The following PDK1 variants were observed in gnomAD, a reference collection of about 807,000 sequenced individuals.
PDK1 encodes the protein pyruvate dehydrogenase kinase 1, also known as [Pyruvate dehydrogenase (acetyl-transferring)] kinase isozyme 1, mitochondrial.
In PDK1, 39 loss-of-function variants were observed where a neutral mutation model predicts 54.2. The ratio of observed to expected loss-of-function variants is 0.72; its 90% CI spans 0.56 to 0.94. The LOEUF (loss-of-function observed/expected upper bound fraction) is 0.94. Ranked by LOEUF, PDK1 falls within the 40% of genes least tolerant of loss-of-function variation. The pLI, the probability that PDK1 is intolerant of heterozygous loss-of-function variation, is 0.00. For synonymous variants in PDK1, 221 were observed against 207.1 expected (o/e 1.07, Z -0.58); for missense variants, 552 against 566.0 (o/e 0.98, Z 0.25).
At chr2:172,586,015 C>T (rs146111648) in intron 8 of PDK1, among the ~76,000 whole-genome samples, 2,077 of 151,988 alleles carry the variant, frequency 0.014, 49 homozygotes, top group African/African-American at 0.047. Flanking sequence ...AAAAATTAGC[C>T]GGGCATGGTG....
the PDK1 span, among the ~76,000 whole-genome samples, chr2:172,659,030 G>A: frequency 6.6e-6 from 1 of 152,100 alleles, no homozygotes; most frequent in African/African-American, 2.4e-5. Flanking sequence ...TATGATGCAT[G>A]TGATCTCTGT....
intron 5 of PDK1, among the ~76,000 whole-genome samples, chr2:172,566,376 G>A (rs565086728): frequency 2.0e-5 from 3 of 152,110 alleles, no homozygotes; most frequent in Non-Finnish European, 4.4e-5. Flanking sequence ...CCAACATGGT[G>A]AAACCCCCTC....
At chr2:172,621,364 T>G in the PDK1 span, among the ~76,000 whole-genome samples, 1 of 152,012 alleles carries the variant, frequency 6.6e-6, no homozygotes, top group Non-Finnish European at 1.5e-5. Flanking sequence ...TGGCTTAGCC[T>G]CTCAGCCTAC....
chr2:172,635,485 T>A, the PDK1 span, among the ~76,000 whole-genome samples: 1 of 152,126 alleles, frequency 6.6e-6, no homozygotes. Flanking sequence ...CTGGCTAATT[T>A]TTGTATTTCT....
chr2:172,559,990 G>A (rs1187876183), intron 2 of PDK1, among the ~76,000 whole-genome samples: 25 of 152,016 alleles, frequency 1.6e-4, no homozygotes, highest in Admixed American at 1.6e-3. Flanking sequence ...GGGACCACAA[G>A]TGCATGCCAC....
At chr2:172,592,723 T>G (rs2149294362) in intron 9 of PDK1, among the ~76,000 whole-genome samples, 1 of 152,306 alleles carries the variant, frequency 6.6e-6, no homozygotes, top group African/African-American at 2.4e-5. Flanking sequence ...ATAAAGAGTT[T>G]TAAATGACCA....
At chr2:172,586,233 G>GT in intron 8 of PDK1, 45 bp from the exon 9 acceptor site, 1 of 1,164,952 alleles carries the variant, frequency 8.6e-7, no homozygotes, top group South Asian at 1.2e-5. Flanking sequence ...ATATTTTGCT[G>GT]TTTTGAGGAT....
At chr2:172,650,622 G>A in the PDK1 span, among the ~76,000 whole-genome samples, 2 of 152,002 alleles carry the variant, frequency 1.3e-5, no homozygotes, top group African/African-American at 4.8e-5. Context: ...TCAAAATAAA[G>A]GGATGGAGGA....
At chr2:172,560,740 AGT>A (rs989140873) in intron 2 of PDK1, among the ~76,000 whole-genome samples, 3 of 152,202 alleles carry the variant, frequency 2.0e-5, no homozygotes, top group African/African-American at 4.8e-5. Context: ...GTGTAGAAAA[AGT>A]GTGATCTCTT....
chr2:172,588,944 T>C (rs1236151973), intron 9 of PDK1, among the ~76,000 whole-genome samples: 1 of 152,186 alleles, frequency 6.6e-6, no homozygotes, highest in Non-Finnish European at 1.5e-5. Context: ...GCTGGAAGGG[T>C]TTACTTTCAC....
chr2:172,659,249 T>C, the PDK1 span, among the ~76,000 whole-genome samples: 1 of 152,086 alleles, frequency 6.6e-6, no homozygotes, highest in Non-Finnish European at 1.5e-5. Context: ...CGGGGGGCGG[T>C]TTCCCCCGAT....
Position 172,595,974 on chromosome 2 carries a change from A to G in PDK1, c.*5A>G. ...ACGACGTTCCGCAGTGCCTAGACAC[A>G]CTTGGGACATCGGAAAATCCAAATG... On this transcript the variant is annotated 3_prime_UTR_variant, in exon 11 of 11. Transcript: ENST00000282077. 2 of 1,605,156 alleles carry G rather than the reference A, an allele frequency of 1.2e-6. No homozygotes were observed. The highest frequency in any genetic ancestry group is 1.7e-6 in the Non-Finnish European group (2 of 1,174,560).
the PDK1 span, among the ~76,000 whole-genome samples, chr2:172,648,389 T>C: frequency 2.6e-4 from 39 of 152,284 alleles, no homozygotes; most frequent in South Asian, 2.1e-4. Flanking sequence ...GGTTCCAAGA[T>C]GGCCGAATAG....
At chr2:172,616,190 T>C in the PDK1 span, among the ~76,000 whole-genome samples, 5 of 152,012 alleles carry the variant, frequency 3.3e-5, no homozygotes, top group East Asian at 9.6e-4. Context: ...AAAACCAATT[T>C]AGCAGTTTTT....
chr2:172,582,975 G>T (rs1007088369), intron 8 of PDK1, among the ~76,000 whole-genome samples: 9 of 152,140 alleles, frequency 5.9e-5, no homozygotes, highest in Non-Finnish European at 1.2e-4. Flanking sequence ...TACTTGCTAG[G>T]TTGTTGTTAC....
At chr2:172,637,597 A>G in the PDK1 span, among the ~76,000 whole-genome samples, 4 of 152,228 alleles carry the variant, frequency 2.6e-5, no homozygotes, top group Non-Finnish European at 4.4e-5. Flanking sequence ...TTAAGTCACC[A>G]TAATTTAGTT....
chr2:172,648,868 A>C, the PDK1 span, among the ~76,000 whole-genome samples: 1 of 152,252 alleles, frequency 6.6e-6, no homozygotes, highest in Non-Finnish European at 1.5e-5. Context: ...CCGCAGCTTA[A>C]GGAGGCCTGC....
At chr2:172,661,294 T>TTAAATTATATGCCATTATTGTA in the PDK1 span, among the ~76,000 whole-genome samples, 2 of 152,208 alleles carry the variant, frequency 1.3e-5, no homozygotes, top group Non-Finnish European at 2.9e-5. Context: ...TTATTTAAGC[T>TTAAATTATATGCCATTATTGTA]TAAATTATAT....
the PDK1 span, among the ~76,000 whole-genome samples, chr2:172,654,324 G>A: frequency 7.2e-5 from 11 of 152,190 alleles, no homozygotes; most frequent in Non-Finnish European, 1.3e-4. Flanking sequence ...GCACACGTAT[G>A]TTTATTGCAG....
Sources: allele counts gnomAD v4.1 joint callset (sites outside exome capture counted in the v4.1 genomes callset), GRCh38; gene constraint gnomAD v4.1.1; transcripts MANE v1.5; gene names NCBI Gene and HGNC (gene_info 2026-07-23, HGNC 2026-07-21).